FBP1: variants seen among roughly 807,000 people sequenced by gnomAD.
FBP1 encodes fructose-bisphosphatase 1, also known as fructose-1,6-bisphosphatase 1.
Under a neutral mutation model 29.9 loss-of-function variants are expected in FBP1, and 22 were observed. That is an observed-to-expected ratio of 0.74 (90% confidence interval 0.53 to 1.05). FBP1 has a LOEUF of 1.05. FBP1 is among the 50% of genes least tolerant of loss of function. FBP1 has a pLI of 0.00. For synonymous variants in FBP1, 175 were observed against 178.6 expected (o/e 0.98, Z 0.16); for missense variants, 345 against 448.2 (o/e 0.77, Z 2.08).
chr9:94,611,419 C>A (rs1441828715), intron 3 of FBP1, among the ~76,000 whole-genome samples: 1 of 152,148 alleles, frequency 6.6e-6, no homozygotes, highest in African/African-American at 2.4e-5. Context: ...GGGTGGCCCA[C>A]AGAGCACCTG....
intron 2 of FBP1, among the ~76,000 whole-genome samples, chr9:94,620,102 G>C (rs1456693896): frequency 6.6e-6 from 1 of 152,084 alleles, no homozygotes; most frequent in African/African-American, 2.4e-5. Context: ...ATGAGTTTGT[G>C]GGAGTCCACT....
chr9:94,639,534 G>A (rs796168071), upstream of FBP1: 4 of 612,602 alleles, frequency 6.5e-6, no homozygotes, highest in African/African-American at 7.4e-5. Flanking sequence ...GCGCCGGCGG[G>A]TGAATCGCGG....
In FBP1 at chr9:94,606,922, C is replaced by T. The variant is rs543540498; in HGVS notation, c.598G>A (p.Asp200Asn). ...TTACCTTTCTTTTTTATCTTCACAT[C>T]CTTGTCCACCAAAATGAACTCCCCG... Reference protein sequence around the residue: ...AIGEFILVDKDVKIKKKGKIY... With the variant: ...AIGEFILVDKNVKIKKKGKIY... The change falls in exon 5 of 7, where the codon GAT (aspartate) becomes AAT (asparagine). Residue 200 changes from aspartate (D) to asparagine (N), a missense_variant. Asp to Asn is a conservative substitution (Grantham distance 23). Coordinates refer to ENST00000375326, the MANE Select transcript of FBP1 (RefSeq NM_000507.4). The T allele has an allele frequency of 1.2e-6, 2 of 1,614,104 alleles. No homozygotes were observed. The highest frequency in any genetic ancestry group is 1.7e-5 in the Admixed American group (1 of 59,996).
chr9:94,620,425 G>A lies in FBP1; in HGVS notation c.237C>T (p.Asn79=), dbSNP rs201591116. The A allele has an allele frequency of 1.2e-3, 1,990 of 1,614,158 alleles. 30 individuals are homozygous for A. Among genetic ancestry groups the A allele is most frequent in the East Asian group, 2.4e-3 (106 of 44,886 alleles). ...ACTTTAACATGTTCATAACCAGGTC[G>A]TTGGAGAGGACGTCCAGCTTCTTAA... ...DQVKKLDVLS[N]DLVMNMLKSS... The change falls in exon 2 of 7, where the codon AAC becomes AAT. Residue 79 remains asparagine (N), a synonymous_variant. Coordinates refer to ENST00000375326, the MANE Select transcript of FBP1 (RefSeq NM_000507.4).
At chr9:94,622,902 A>G (rs6479557) in intron 1 of FBP1, among the ~76,000 whole-genome samples, 69,784 of 151,910 alleles carry the variant, frequency 0.46, 16,491 homozygotes, top group East Asian at 0.78. Flanking sequence ...CAGCTCCCTC[A>G]GTGACCCCAC....
At chr9:94,613,154 A>G (rs919486069) in intron 3 of FBP1, among the ~76,000 whole-genome samples, 4 of 152,094 alleles carry the variant, frequency 2.6e-5, no homozygotes, top group African/African-American at 9.7e-5. Context: ...TACTTTTCTG[A>G]ATCTCTGCTT....
chr9:94,604,942 G>A (rs1368431580), intron 6 of FBP1, among the ~76,000 whole-genome samples: 1 of 152,200 alleles, frequency 6.6e-6, no homozygotes, highest in Non-Finnish European at 1.5e-5. Context: ...TTGGACTAGT[G>A]AGTCGGTGGT....
At chr9:94,633,143 G>A (rs925550193) in intron 1 of FBP1, among the ~76,000 whole-genome samples, 4 of 152,082 alleles carry the variant, frequency 2.6e-5, no homozygotes, top group African/African-American at 9.7e-5. Flanking sequence ...GTGGTGGCAT[G>A]GGCTCTGCAT....
At chr9:94,620,816 G>A (rs1827935895) in intron 1 of FBP1, among the ~76,000 whole-genome samples, 1 of 152,206 alleles carries the variant, frequency 6.6e-6, no homozygotes, top group Admixed American at 6.5e-5. Context: ...TAATGTAGAT[G>A]ACAGATTGAT....
At position 94,617,804 on chromosome 9, in the gene FBP1, A is replaced by G. The variant is rs774112311; in HGVS notation, c.390T>C (p.Leu130=). 2.5e-6 allele frequency: 4 copies of G among 1,613,998 alleles called. No homozygotes were observed. The East Asian group carries it at 6.7e-5, about 27-fold the overall frequency. ...TGCCAAAAATGGTTCCAACGGACAC[A>G]AGGCAATCGATGTTGGAAGATCCAT... is the stretch of plus-strand genomic sequence containing the variant. ...PLDGSSNIDC[L]VSVGTIFGIY... is the part of the protein sequence containing the mutation. Residue 130 remains leucine (L), a synonymous_variant, in exon 3 of 7, where the codon CTT becomes CTC. Coordinates refer to ENST00000375326, the MANE Select transcript of FBP1 (RefSeq NM_000507.4).
intron 1 of FBP1, among the ~76,000 whole-genome samples, chr9:94,635,362 T>G (rs1448045413): frequency 6.6e-6 from 1 of 152,184 alleles, no homozygotes; most frequent in Non-Finnish European, 1.5e-5. Flanking sequence ...ACAGGAGCAA[T>G]GAAAGTGACT....
intron 6 of FBP1, among the ~76,000 whole-genome samples, chr9:94,604,673 A>G (rs961089752): frequency 2.0e-5 from 3 of 152,126 alleles, no homozygotes; most frequent in Admixed American, 2.0e-4. Flanking sequence ...AATCCCAGCT[A>G]CTCAGAATGC....
chr9:94,639,731 A>C (rs1432036844), upstream of FBP1, among the ~76,000 whole-genome samples: 5 of 63,480 alleles, frequency 7.9e-5, no homozygotes, highest in Admixed American at 1.8e-4. Context: ...GTCGCCCCCC[A>C]CACACACCCC....
intron 1 of FBP1, among the ~76,000 whole-genome samples, chr9:94,636,568 G>T (rs567729169): frequency 3.3e-5 from 5 of 151,818 alleles, no homozygotes; most frequent in Admixed American, 6.6e-5. Flanking sequence ...ACTATCCAAG[G>T]TCCCACTGTC....
At chr9:94,633,949 G>A (rs1406293609) in intron 1 of FBP1, among the ~76,000 whole-genome samples, 2 of 150,674 alleles carry the variant, frequency 1.3e-5, no homozygotes, top group East Asian at 2.0e-4. Flanking sequence ...CTCGTGATCC[G>A]CCCGACTCGG....
chr9:94,609,719 T>C (rs1027091065), intron 4 of FBP1, among the ~76,000 whole-genome samples: 3 of 152,322 alleles, frequency 2.0e-5, no homozygotes, highest in Middle Eastern at 3.4e-3. Flanking sequence ...CAGTCTGAGA[T>C]GGCATTTCTC....
At chr9:94,622,587 C>A (rs1294859038) in intron 1 of FBP1, among the ~76,000 whole-genome samples, 1 of 152,254 alleles carries the variant, frequency 6.6e-6, no homozygotes, top group East Asian at 1.9e-4. Context: ...CGGCTGTCTT[C>A]TCGGGCCCGC....
chr9:94,631,472 T>C (rs955487764), intron 1 of FBP1, among the ~76,000 whole-genome samples: 26 of 152,230 alleles, frequency 1.7e-4, no homozygotes, highest in African/African-American at 6.3e-4. Context: ...AATGAACCAT[T>C]TCACAGCCAT....
chr9:94,632,123 G>T (rs780051495), intron 1 of FBP1, among the ~76,000 whole-genome samples: 3 of 152,064 alleles, frequency 2.0e-5, no homozygotes, highest in Non-Finnish European at 2.9e-5. Context: ...ATTAGCTGAC[G>T]TGTCATTCTA....
Sources: allele counts gnomAD v4.1 joint callset (sites outside exome capture counted in the v4.1 genomes callset), GRCh38; gene constraint gnomAD v4.1.1; transcripts MANE v1.5; gene names NCBI Gene and HGNC (gene_info 2026-07-23, HGNC 2026-07-21).